ANKUB1: variants seen among roughly 807,000 people sequenced by gnomAD.
ANKUB1 encodes the protein ankyrin repeat and ubiquitin domain containing 1.
ANKUB1 carries 42 observed loss-of-function variants against 49.3 expected under a neutral mutation model. That is an observed-to-expected ratio of 0.85 (90% CI 0.67 to 1.10). The LOEUF is 1.10. Ranked by LOEUF, ANKUB1 falls within the 50% of genes least tolerant of loss-of-function variation. The pLI, the probability that ANKUB1 is intolerant of heterozygous loss-of-function variation, is 0.00. For synonymous variants in ANKUB1, 222 were observed against 231.0 expected, an observed-to-expected ratio of 0.96 and a Z score of 0.35; for missense variants, 613 against 642.0, an observed-to-expected ratio of 0.95 and a Z score of 0.49.
intron 2 of ANKUB1, chr3:149,783,233 A>G (rs1717945674): frequency 6.6e-6 from 1 of 152,168 alleles, no homozygotes; most frequent in East Asian, 1.9e-4. Context: ...TTATCCACAT[A>G]AGAGAAGGCA....
At chr3:149,762,523 T>G (rs1716825175) in intron 5 of ANKUB1, among the ~76,000 whole-genome samples, 1 of 152,184 alleles carries the variant, frequency 6.6e-6, no homozygotes, top group African/African-American at 2.4e-5. Flanking sequence ...GTATTTGGCC[T>G]TTTCTCTTTT....
At chr3:149,779,616 T>C (rs543541123) in intron 3 of ANKUB1, 1 of 152,498 alleles carries the variant, frequency 6.6e-6, no homozygotes, top group South Asian at 2.1e-4. Context: ...CATTTTAAGA[T>C]GAAATTGCCC....
chr3:149,782,154 T>C (rs984592486), intron 2 of ANKUB1, among the ~76,000 whole-genome samples: 1 of 152,194 alleles, frequency 6.6e-6, no homozygotes, highest in East Asian at 1.9e-4. Context: ...TCCTAATTTA[T>C]ATTTAGAATT....
intron 3 of ANKUB1, chr3:149,778,296 C>A (rs1009342269): frequency 2.6e-5 from 4 of 152,184 alleles, no homozygotes; most frequent in African/African-American, 7.2e-5. Context: ...TATCTGAACA[C>A]CCTCATTTCC....
chr3:149,781,706 A>T (rs1456181825), intron 2 of ANKUB1, among the ~76,000 whole-genome samples: 1 of 152,192 alleles, frequency 6.6e-6, no homozygotes, highest in Non-Finnish European at 1.5e-5. Context: ...ACATTGCAGT[A>T]ATATGGTCAA....
At chr3:149,786,045 T>G (rs1365089395) in intron 2 of ANKUB1, among the ~76,000 whole-genome samples, 1 of 152,158 alleles carries the variant, frequency 6.6e-6, no homozygotes, top group Non-Finnish European at 1.5e-5. Context: ...ATTTATTTAT[T>G]TATTTTTTGA....
intron 2 of ANKUB1, among the ~76,000 whole-genome samples, chr3:149,789,542 G>A (rs2108282848): frequency 6.6e-6 from 1 of 151,980 alleles, no homozygotes; most frequent in South Asian, 2.1e-4. Flanking sequence ...ATGTAAATAT[G>A]GTCTTTTGTT....
At chr3:149,769,961 A>C (rs1047889496) in intron 4 of ANKUB1, among the ~76,000 whole-genome samples, 3 of 151,950 alleles carry the variant, frequency 2.0e-5, no homozygotes, top group African/African-American at 7.3e-5. Context: ...ATTTTCTTCC[A>C]CCTCTGCCAC....
rs1717385341 is a variant in ANKUB1, at chr3:149,771,969, G to A, written c.452-1295C>T. 2.7e-5 allele frequency among the ~76,000 whole-genome samples: 4 copies of A among 150,756 alleles called. No homozygotes were observed. In the South Asian group the frequency reaches 8.4e-4, roughly 32 times the overall value. On this transcript the variant is annotated intron_variant, in intron 3 of 5. Transcript: ENST00000446160. ...CCTGCATTTTTTTTTCTCAGTGAGT[G>A]GTACATCTATTTTGCTACCTAAGCC...
At chr3:149,776,246 C>T (rs1717591765) in intron 3 of ANKUB1, among the ~76,000 whole-genome samples, 1 of 152,146 alleles carries the variant, frequency 6.6e-6, no homozygotes, top group African/African-American at 2.4e-5. Context: ...TACAAAGTTC[C>T]AGTTCTCCTC....
At chr3:149,764,617 CTCCTCCCT>C (rs1417982748) in intron 5 of ANKUB1, among the ~76,000 whole-genome samples, 2 of 43,218 alleles carry the variant, frequency 4.6e-5, no homozygotes, top group South Asian at 6.8e-4. Context: ...CCTCCCTCCT[CTCCTCCCT>C]TCCTCCCTTC....
chr3:149,770,001 C>A (rs1352106467), intron 4 of ANKUB1, among the ~76,000 whole-genome samples: 1 of 152,132 alleles, frequency 6.6e-6, no homozygotes, highest in Non-Finnish European at 1.5e-5. Flanking sequence ...ACCCCTTCTC[C>A]TCTTTCTCCC....
At position 149,768,043 on chromosome 3, in the gene ANKUB1, G is replaced by A. The variant is rs1334951761; in HGVS notation, c.619C>T (p.Leu207Phe). Residue 207 changes from leucine (L) to phenylalanine (F), a missense_variant, in exon 5 of 6, where the codon CTC becomes TTC. Transcript: ENST00000446160. Reference sequence around the variant, plus strand: ...CCCTGCTTCAGGGCCCATTCAGTGAGTTCAATGTACCCACAAAAAGCAGCA... The same window carrying A: ...CCCTGCTTCAGGGCCCATTCAGTGAATTCAATGTACCCACAAAAAGCAGCA... ...YIAAFCGYIELTEWALKQGAR... is the reference protein window; with the variant it reads ...YIAAFCGYIEFTEWALKQGAR... 5 of 1,458,378 alleles carry A rather than the reference G, an allele frequency of 3.4e-6. No individual in the cohort carries two copies. The highest frequency in any genetic ancestry group is 4.5e-6 in the Non-Finnish European group (5 of 1,100,658). The allele number at this position is 1,458,378 out of a possible 1,614,324, so 90.3% of individuals were successfully genotyped here.
rs1027418778 is a variant in ANKUB1 at position 149,768,123 on chromosome 3, G to A, written c.567-28C>T. 3.8e-6 allele frequency: 5 copies of A among 1,314,260 alleles called. No individual in the cohort carries two copies. In the East Asian group the frequency reaches 1.1e-4, roughly 28 times the overall value. 81.4% of individuals were successfully genotyped at this position (1,314,260 alleles called of 1,614,324 possible). On this transcript the variant is annotated intron_variant, in intron 4 of 5. Transcript: ENST00000446160. Reference sequence around the variant, plus strand: ...AAATGAGTGAAACAAGTGGGGAGGGGGTGTTTAGAAAATCAGCAAACAGAC... The same window carrying A: ...AAATGAGTGAAACAAGTGGGGAGGGAGTGTTTAGAAAATCAGCAAACAGAC...
intron 5 of ANKUB1, 44 bp downstream of exon 5, chr3:149,767,113 T>G (rs1164680184): frequency 6.9e-7 from 1 of 1,448,788 alleles, no homozygotes; most frequent in South Asian, 1.5e-5. Flanking sequence ...TGGACCTGCC[T>G]TATAAAAGCT....
intron 3 of ANKUB1, among the ~76,000 whole-genome samples, chr3:149,775,285 G>T (rs1408154867): frequency 6.6e-6 from 1 of 152,132 alleles, no homozygotes; most frequent in South Asian, 2.1e-4. Context: ...TGTTTCTCTG[G>T]TTTGAGCTTC....
At position 149,792,329 on chromosome 3, in the gene ANKUB1, G is replaced by T; in HGVS notation, c.38C>A (p.Pro13Gln). ...AGTTTCATCTGCTGAAACATCAAAC[G>T]GTTCAAAAGATCCTTCAAAGGCGAT... ...IFIAFEGSFE[P>Q]FDVSADETVE... Residue 13 changes from proline (P) to glutamine (Q), a missense_variant, in exon 1 of 6, where the codon CCG (proline) becomes CAG (glutamine). Transcript: ENST00000446160. 7 of 1,529,556 alleles carry T rather than the reference G, an allele frequency of 4.6e-6. No individual in the cohort carries two copies. Among genetic ancestry groups the T allele is most frequent in the Non-Finnish European group, 6.2e-6 (7 of 1,134,986 alleles). The allele number at this position is 1,529,556 out of a possible 1,614,324, so 94.7% of individuals were successfully genotyped here. A position where few individuals can be genotyped will look rare whatever the true frequency, so the allele number is the denominator to read the frequency against.
In ANKUB1 at chr3:149,761,235, G is replaced by A; in HGVS notation, c.*249C>T. 1 of 324,778 alleles carries A rather than the reference G, an allele frequency of 3.1e-6. No homozygotes were observed. The highest frequency in any genetic ancestry group is 5.6e-6 in the Non-Finnish European group (1 of 179,506). 20.1% of individuals were successfully genotyped at this position (324,778 alleles called of 1,614,324 possible). ...TCCATTGTCTCAGCTCCCCTACCCT[G>A]TGGACAACTACTATTCTAAGTTTCT... On this transcript the variant is annotated 3_prime_UTR_variant, in exon 6 of 6. Coordinates refer to ENST00000446160, the MANE Select transcript of ANKUB1 (RefSeq NM_001144960.3).
intron 2 of ANKUB1, among the ~76,000 whole-genome samples, chr3:149,781,663 TATA>T (rs1478004566): frequency 1.3e-5 from 2 of 152,180 alleles, no homozygotes; most frequent in Admixed American, 6.5e-5. Context: ...CCTGCAGACT[TATA>T]ATAAATTAAA....
Sources: allele counts gnomAD v4.1 joint callset (sites outside exome capture counted in the v4.1 genomes callset), GRCh38; gene constraint gnomAD v4.1.1; transcripts MANE v1.5; gene names NCBI Gene and HGNC (gene_info 2026-07-23, HGNC 2026-07-21).